Variants in CNST observed in about 807,000 individuals in gnomAD.
CNST encodes the protein consortin.
A neutral mutation model predicts 72.4 loss-of-function variants in CNST; 39 were observed. The ratio of observed to expected loss-of-function variants is 0.54; its 90% CI spans 0.42 to 0.70. CNST has a LOEUF of 0.70. Among genes scored for constraint, CNST ranks in the 30% least tolerant of loss-of-function variants. The pLI is 0.00. For missense variants in CNST, 871 were observed against 868.5 expected (o/e 1.00, Z -0.04); for synonymous variants, 332 against 320.1 (o/e 1.04, Z -0.40).
At chr1:246,640,850 T>A (rs991100793) in intron 6 of CNST, among the ~76,000 whole-genome samples, 1 of 152,182 alleles carries the variant, frequency 6.6e-6, no homozygotes, top group African/African-American at 2.4e-5. Context: ...TATTTTCAAG[T>A]TACACATAAA....
chr1:246,652,333 C>A (rs760618278), intron 9 of CNST, among the ~76,000 whole-genome samples: 1 of 152,130 alleles, frequency 6.6e-6, no homozygotes, highest in Non-Finnish European at 1.5e-5. Flanking sequence ...GGATGACCCA[C>A]GGGGGTGCGC....
chr1:246,646,018 G>C lies in CNST; in HGVS notation c.938-1121G>C, dbSNP rs9426205. 1.2e-4 allele frequency among the ~76,000 whole-genome samples: 19 copies of C among 152,014 alleles called. No individual in the cohort carries two copies. The East Asian group carries it at 2.4e-3, about 19-fold the overall frequency. ...GAAGTTGCTCGGCGTGGTGGCTCACGCCTGTAATCCCAGCACTTTGGGAGG... is the reference window on the plus strand; with the variant it reads ...GAAGTTGCTCGGCGTGGTGGCTCACCCCTGTAATCCCAGCACTTTGGGAGG... On this transcript the variant is annotated intron_variant, in intron 8 of 10. Coordinates refer to ENST00000366513, the MANE Select transcript of CNST (RefSeq NM_152609.3).
intron 3 of CNST, 59 bp downstream of exon 3, chr1:246,621,693 A>G (rs905391813): frequency 5.0e-6 from 7 of 1,398,688 alleles, no homozygotes; most frequent in Admixed American, 1.7e-5. Context: ...AGTGTTTGGA[A>G]TGATCTAAAA....
At chr1:246,649,621 G>C (rs1666339269) in intron 9 of CNST, among the ~76,000 whole-genome samples, 2 of 152,198 alleles carry the variant, frequency 1.3e-5, no homozygotes, top group South Asian at 2.1e-4. Context: ...CTGTGAAGAA[G>C]AAGCAGAGAG....
chr1:246,627,594 A>G (rs1477657900), intron 3 of CNST, among the ~76,000 whole-genome samples: 1 of 152,202 alleles, frequency 6.6e-6, no homozygotes, highest in African/African-American at 2.4e-5. Context: ...TATGCCAGGA[A>G]GGAGAGGGTA....
At chr1:246,648,502 T>C (rs1666260993) in intron 9 of CNST, among the ~76,000 whole-genome samples, 2 of 152,138 alleles carry the variant, frequency 1.3e-5, no homozygotes, top group East Asian at 1.9e-4. Context: ...TTTTAAAATA[T>C]AAGAGGTACT....
At chr1:246,658,460 G>T (rs1402194097) in intron 9 of CNST, among the ~76,000 whole-genome samples, 1 of 150,790 alleles carries the variant, frequency 6.6e-6, no homozygotes, top group Non-Finnish European at 1.5e-5. Flanking sequence ...AGAATATATT[G>T]TTGGCTTGTT....
chr1:246,584,187 G>A (rs1006939380), intron 1 of CNST, among the ~76,000 whole-genome samples: 19 of 152,294 alleles, frequency 1.2e-4, no homozygotes, highest in African/African-American at 3.8e-4. Flanking sequence ...AGCGATCCTC[G>A]CAGAGTGCTG....
At chr1:246,650,741 G>A (rs1048318670) in intron 9 of CNST, among the ~76,000 whole-genome samples, 2 of 144,348 alleles carry the variant, frequency 1.4e-5, no homozygotes, top group South Asian at 2.2e-4. Flanking sequence ...GCAGCGGCAC[G>A]ATCTCAGCTC....
At chr1:246,611,193 G>A (rs1663293709) in intron 2 of CNST, among the ~76,000 whole-genome samples, 1 of 152,128 alleles carries the variant, frequency 6.6e-6, no homozygotes, top group Non-Finnish European at 1.5e-5. Flanking sequence ...TGGGGAAAGG[G>A]GTGAGGTAAG....
chr1:246,632,377 A>G (rs1664830710), intron 4 of CNST: 2 of 254,436 alleles, frequency 7.9e-6, no homozygotes, highest in Non-Finnish European at 1.6e-5. Flanking sequence ...TGTCGTTGTA[A>G]TTGGTCCTGG....
chr1:246,582,937 G>A (rs866738394), intron 1 of CNST, among the ~76,000 whole-genome samples: 9 of 152,146 alleles, frequency 5.9e-5, no homozygotes, highest in Non-Finnish European at 1.0e-4. Flanking sequence ...AGGTGCCTGG[G>A]GCCAGCACTC....
At chr1:246,623,372 TCTAATC>T (rs1237863331) in intron 3 of CNST, among the ~76,000 whole-genome samples, 1 of 152,210 alleles carries the variant, frequency 6.6e-6, no homozygotes, top group Non-Finnish European at 1.5e-5. Context: ...AGAATTTGTC[TCTAATC>T]CTAATGTAAC....
At chr1:246,616,036 A>G (rs1379239182) in intron 2 of CNST, among the ~76,000 whole-genome samples, 2 of 152,176 alleles carry the variant, frequency 1.3e-5, no homozygotes, top group African/African-American at 2.4e-5. Flanking sequence ...TCACCAAGTT[A>G]TTTAATGGGT....
Position 246,634,461 on chromosome 1 carries a change from C to A in CNST, c.704-12C>A. ...TATAAGAGCCAGTGACTAACAAATA[C>A]TTTAAATTTAGAAACAAAATGGAAA... On this transcript the variant is annotated splice_polypyrimidine_tract_variant and intron_variant, in intron 5 of 10. Coordinates refer to ENST00000366513, the MANE Select transcript of CNST (RefSeq NM_152609.3). 1.3e-6 allele frequency: 2 copies of A among 1,522,424 alleles called. No homozygotes were observed. The highest frequency in any genetic ancestry group is 1.8e-6 in the Non-Finnish European group (2 of 1,125,100). 94.3% of individuals were successfully genotyped at this position (1,522,424 alleles called of 1,614,324 possible).
At chr1:246,612,734 A>G (rs915712081) in intron 2 of CNST, among the ~76,000 whole-genome samples, 1 of 152,020 alleles carries the variant, frequency 6.6e-6, no homozygotes, top group Non-Finnish European at 1.5e-5. Context: ...AAAAATACAT[A>G]CAAAAATTAG....
intron 4 of CNST, among the ~76,000 whole-genome samples, chr1:246,633,640 G>A (rs1482635816): frequency 1.3e-5 from 2 of 151,884 alleles, no homozygotes; most frequent in African/African-American, 4.8e-5. Flanking sequence ...CTACCTGGGA[G>A]GCTGAGGCAG....
At chr1:246,659,405 T>C (rs61852427) in intron 9 of CNST, among the ~76,000 whole-genome samples, 25,835 of 152,068 alleles carry the variant, frequency 0.17, 2,390 homozygotes, top group South Asian at 0.21. Context: ...CCATCCTGGC[T>C]AACTCGGTGA....
intron 1 of CNST, among the ~76,000 whole-genome samples, chr1:246,573,925 A>G (rs1296902390): frequency 6.6e-6 from 1 of 152,164 alleles, no homozygotes; most frequent in Non-Finnish European, 1.5e-5. Context: ...AGTTTTTTCC[A>G]TGGAAAGCTG....
Sources: allele counts gnomAD v4.1 joint callset (sites outside exome capture counted in the v4.1 genomes callset), GRCh38; gene constraint gnomAD v4.1.1; transcripts MANE v1.5; gene names NCBI Gene and HGNC (gene_info 2026-07-23, HGNC 2026-07-21).